Variants in SYTL2 observed in about 807,000 individuals in gnomAD.
The protein encoded by SYTL2 is synaptotagmin-like protein 2.
Under a neutral mutation model 198.7 loss-of-function variants are expected in SYTL2, and 165 were observed. That is an observed-to-expected ratio of 0.83 (90% confidence interval 0.73 to 0.94). The LOEUF (loss-of-function observed/expected upper bound fraction) is 0.94. Ranked by LOEUF, SYTL2 falls within the 40% of genes least tolerant of loss-of-function variation. The pLI is 0.00. For synonymous variants in SYTL2, 966 were observed against 917.7 expected, an observed-to-expected ratio of 1.05 and a Z score of -0.95; for missense variants, 2,835 against 2,582.8, an observed-to-expected ratio of 1.10 and a Z score of -2.12.
chr11:85,728,415 T>G (rs2089462485), intron 7 of SYTL2, among the ~76,000 whole-genome samples: 1 of 152,102 alleles, frequency 6.6e-6, no homozygotes, highest in South Asian at 2.1e-4. Flanking sequence ...GCCTCCCAAA[T>G]AGCTGGGATT....
At chr11:85,737,736 ATC>A (rs2090465496) in intron 4 of SYTL2, 80 bp from the exon 5 acceptor site, 2 of 1,178,592 alleles carry the variant, frequency 1.7e-6, no homozygotes, top group Non-Finnish European at 2.5e-6. Context: ...GTGGAAAGCT[ATC>A]AGCAGGCTAG....
the SYTL2 span, among the ~76,000 whole-genome samples, chr11:85,846,126 G>C: frequency 6.6e-6 from 1 of 152,038 alleles, no homozygotes; most frequent in Admixed American, 6.5e-5. Flanking sequence ...TATAAGGTGG[G>C]GTCAGCTAGA....
At chr11:85,765,892 T>C (rs927804405) in intron 1 of SYTL2, among the ~76,000 whole-genome samples, 7 of 152,162 alleles carry the variant, frequency 4.6e-5, no homozygotes, top group Non-Finnish European at 1.0e-4. Context: ...GAATAAAATA[T>C]GTTAACCAAG....
Position 85,726,037 on chromosome 11 carries a change from C to T in SYTL2, c.3321G>A (p.Lys1107=). 2 of 1,612,686 alleles carry T rather than the reference C, an allele frequency of 1.2e-6. No individual in the cohort carries two copies. The highest frequency in any genetic ancestry group is 1.7e-6 in the Non-Finnish European group (2 of 1,179,520). ...GIVTPVFKEE[K]DYSEQEIQES... is the part of the protein sequence containing the mutation. ...CTTGAATCTCTTGTTCTGAGTAATC[C>T]TTTTCTTCCTTAAACACTGGAGTAA... Residue 1107 remains lysine (K), a synonymous_variant, in exon 8 of 20, where the codon AAG becomes AAA. Transcript: ENST00000359152.
the SYTL2 span, among the ~76,000 whole-genome samples, chr11:85,839,336 C>G: frequency 3.3e-5 from 5 of 152,232 alleles, no homozygotes; most frequent in Admixed American, 2.0e-4. Context: ...TGATATTCAC[C>G]CTTTCGTAAC....
chr11:85,697,402 A>G (rs1274447872), intron 18 of SYTL2, among the ~76,000 whole-genome samples: 3 of 152,172 alleles, frequency 2.0e-5, no homozygotes, highest in Non-Finnish European at 4.4e-5. Flanking sequence ...TATATAAATA[A>G]AATTAGAGAA....
At chr11:85,833,644 A>C in the SYTL2 span, among the ~76,000 whole-genome samples, 1 of 151,592 alleles carries the variant, frequency 6.6e-6, no homozygotes, top group Non-Finnish European at 1.5e-5. Context: ...AATATCCTTC[A>C]AAGTGGTTCT....
chr11:85,793,482 TTA>T (rs1286596012), intron 1 of SYTL2, among the ~76,000 whole-genome samples: 1 of 152,250 alleles, frequency 6.6e-6, no homozygotes, highest in Non-Finnish European at 1.5e-5. Flanking sequence ...TCATAATATT[TTA>T]TGTTTTAAAG....
At chr11:85,833,322 AATATATATC>A in the SYTL2 span, among the ~76,000 whole-genome samples, 29 of 148,214 alleles carry the variant, frequency 2.0e-4, no homozygotes, top group Middle Eastern at 3.6e-3. Flanking sequence ...ATATATACAC[AATATATATC>A]ATATATATCA....
intron 1 of SYTL2, among the ~76,000 whole-genome samples, chr11:85,789,354 A>ATG (rs1555260933): frequency 1.2e-4 from 7 of 57,216 alleles, no homozygotes; most frequent in African/African-American, 5.2e-4. Flanking sequence ...ATATATATAT[A>ATG]TATATATATA....
chr11:85,728,058 G>C (rs2089416710), intron 7 of SYTL2, 91 bp from the exon 8 acceptor site: 1 of 1,154,292 alleles, frequency 8.7e-7, no homozygotes, highest in African/African-American at 1.6e-5. Flanking sequence ...AAAGCACTTT[G>C]TATTTGCACT....
the SYTL2 span, among the ~76,000 whole-genome samples, chr11:85,832,017 A>C: frequency 1.3e-5 from 2 of 152,078 alleles, no homozygotes; most frequent in African/African-American, 4.8e-5. Context: ...ATTAATTATT[A>C]TCTTTATATA....
intron 1 of SYTL2, among the ~76,000 whole-genome samples, chr11:85,766,705 G>A (rs1365216720): frequency 6.6e-6 from 1 of 152,150 alleles, no homozygotes; most frequent in East Asian, 1.9e-4. Flanking sequence ...GCCGTCCCCT[G>A]CCTCAGAGAG....
At chr11:85,826,783 C>A in the SYTL2 span, among the ~76,000 whole-genome samples, 15 of 152,340 alleles carry the variant, frequency 9.8e-5, no homozygotes, top group African/African-American at 3.4e-4. Flanking sequence ...AGGGACTCAG[C>A]ATCACAACAT....
At chr11:85,823,905 C>G in the SYTL2 span, among the ~76,000 whole-genome samples, 1 of 152,174 alleles carries the variant, frequency 6.6e-6, no homozygotes, top group East Asian at 1.9e-4. Flanking sequence ...TGTGGTTAGT[C>G]AGGTTGAACT....
At chr11:85,771,772 T>C (rs1267237765) in intron 1 of SYTL2, among the ~76,000 whole-genome samples, 1 of 152,216 alleles carries the variant, frequency 6.6e-6, no homozygotes, top group Non-Finnish European at 1.5e-5. Flanking sequence ...GCTTGAGCCT[T>C]AGTTTGCTCA....
intron 4 of SYTL2, among the ~76,000 whole-genome samples, chr11:85,744,219 A>G (rs981632602): frequency 2.0e-5 from 3 of 152,150 alleles, no homozygotes; most frequent in African/African-American, 7.2e-5. Flanking sequence ...ACTACGTGCT[A>G]ATGGGCTGCA....
At chr11:85,795,632 C>A (rs1486188823) in intron 1 of SYTL2, among the ~76,000 whole-genome samples, 1 of 151,330 alleles carries the variant, frequency 6.6e-6, no homozygotes, top group Non-Finnish European at 1.5e-5. Flanking sequence ...ATGAAACTAA[C>A]AAGAATAGTA....
rs772230868 is a variant in SYTL2 at position 85,726,865 on chromosome 11, C to T, written c.2493G>A (p.Lys831=). The change falls in exon 8 of 20, where the codon AAG becomes AAA. Residue 831 remains lysine, a synonymous_variant. Coordinates refer to ENST00000359152, the MANE Select transcript of SYTL2 (RefSeq NM_206927.4). ...QPSAKAYQPV[K]KSQGVSSMDS... ...CCATGGATGATACACCCTGTGACTTCTTCACAGGCTGATATGCTTTAGCAG... is the reference window on the plus strand; with the variant it reads ...CCATGGATGATACACCCTGTGACTTTTTCACAGGCTGATATGCTTTAGCAG... 18 of 1,536,420 alleles carry T rather than the reference C, an allele frequency of 1.2e-5. No homozygotes were observed. The South Asian group carries it at 2.1e-4, about 18-fold the overall frequency.
Sources: gnomAD v4.1 joint callset for allele counts (sites outside exome capture counted in the v4.1 genomes callset) on GRCh38, gnomAD v4.1.1 for gene constraint, MANE v1.5 for transcripts, NCBI Gene and HGNC (gene_info 2026-07-23, HGNC 2026-07-21) for gene names.